The following CPXM2 variants were observed in gnomAD, a reference collection of about 807,000 sequenced individuals.
CPXM2 encodes inactive carboxypeptidase-like protein X2.
In CPXM2, 66 loss-of-function variants were observed where a neutral mutation model predicts 86.1. That is an observed-to-expected ratio of 0.77 (90% confidence interval 0.63 to 0.94). The LOEUF (loss-of-function observed/expected upper bound fraction) is 0.94. CPXM2 is among the 40% of genes least tolerant of loss of function. CPXM2 has a pLI of 0.00. For missense variants in CPXM2, 948 were observed against 1,026.3 expected, an observed-to-expected ratio of 0.92 and a Z score of 1.04; for synonymous variants, 388 against 400.2, an observed-to-expected ratio of 0.97 and a Z score of 0.36.
intron 3 of CPXM2, among the ~76,000 whole-genome samples, chr10:123,850,609 G>A (rs1321905648): frequency 6.6e-6 from 1 of 152,308 alleles, no homozygotes; most frequent in East Asian, 1.9e-4. Context: ...TTGTGTTGAA[G>A]TAATCTTTTA....
At chr10:123,855,539 G>T (rs1449824222) in intron 3 of CPXM2, among the ~76,000 whole-genome samples, 1 of 152,132 alleles carries the variant, frequency 6.6e-6, no homozygotes, top group Non-Finnish European at 1.5e-5. Flanking sequence ...AATGTGGGTG[G>T]CCTCCACCTT....
chr10:123,880,126 C>G, intron 2 of CPXM2, 85 bp downstream of exon 2: 1 of 692,038 alleles, frequency 1.4e-6, no homozygotes, highest in South Asian at 1.8e-5. Context: ...TGTAGTCAGG[C>G]TGCTGCACCA....
chr10:123,901,971 T>C (rs1945386712), intron 2 of CPXM2, among the ~76,000 whole-genome samples: 3 of 152,224 alleles, frequency 2.0e-5, no homozygotes, highest in Admixed American at 2.0e-4. Context: ...TGAAGTCTCT[T>C]TCCTCCGAAC....
At chr10:123,788,878 GA>G (rs11461379) in intron 6 of CPXM2, among the ~76,000 whole-genome samples, 17,621 of 138,724 alleles carry the variant, frequency 0.13, 1,290 homozygotes, top group Non-Finnish European at 0.17. Context: ...CACCTTGATT[GA>G]AAAAAAAAAA....
Position 123,746,607 on chromosome 10 carries a change from C to T in CPXM2, c.*157G>A. 5.7e-6 allele frequency: 4 copies of T among 695,684 alleles called. No homozygotes were observed. The highest frequency in any genetic ancestry group is 3.7e-5 in the South Asian group (2 of 53,604). 43.1% of individuals were successfully genotyped at this position (695,684 alleles called of 1,614,324 possible). A position where few individuals can be genotyped will look rare whatever the true frequency, so the allele number is the denominator to read the frequency against. On this transcript the variant is annotated 3_prime_UTR_variant, in exon 14 of 14. Transcript: ENST00000241305. ...AAGAAAAGAAAACAGCCTCAGCCTC[C>T]AGCCTTCCCTTTTGGGACCTGCCTC...
Position 123,931,241 on chromosome 10 carries a change from C to T in CPXM2, n.174+8236G>A, listed in dbSNP as rs189869890. Among the ~76,000 whole-genome samples the T allele has an allele frequency of 7.1e-4, 107 of 151,254 alleles. 1 individual carries two copies. The highest frequency in any genetic ancestry group is 2.5e-3 in the African/African-American group (103 of 40,782). On this transcript the variant is annotated intron_variant and non_coding_transcript_variant, in intron 2 of 19. Transcript: ENST00000368854. ...GAACATCAGATCTATGAGGCCGAAC[C>T]CCAGTAAAAAAAACCCTGGACACTG...
chr10:123,878,294 CTCTTTTTTTTTTTTTTT>C (rs1389591821), intron 2 of CPXM2, among the ~76,000 whole-genome samples: 1 of 76,134 alleles, frequency 1.3e-5, no homozygotes, highest in East Asian at 2.4e-4. Flanking sequence ...CTTTTTTTCT[CTCTTTTTTTTTTTTTTT>C]TTTTTTTTTT....
chr10:123,879,143 G>A (rs1257418701), intron 2 of CPXM2, among the ~76,000 whole-genome samples: 1 of 152,232 alleles, frequency 6.6e-6, no homozygotes, highest in African/African-American at 2.4e-5. Flanking sequence ...TTTCACTTGA[G>A]GATGCACTAT....
intron 6 of CPXM2, among the ~76,000 whole-genome samples, chr10:123,784,122 G>C (rs1043918040): frequency 6.6e-6 from 1 of 152,142 alleles, no homozygotes; most frequent in Non-Finnish European, 1.5e-5. Context: ...GAAGGCTTTT[G>C]AGTTCAAGTG....
intron 2 of CPXM2, among the ~76,000 whole-genome samples, chr10:123,898,210 A>G (rs1166530349): frequency 1.3e-5 from 2 of 152,208 alleles, no homozygotes; most frequent in Non-Finnish European, 2.9e-5. Context: ...AAAATATAAA[A>G]TGCTACAGCT....
rs893333792 is a variant in CPXM2, at chr10:123,885,343, G to A, written c.305-5034C>T. On this transcript the variant is annotated intron_variant, in intron 1 of 13. Transcript: ENST00000241305. The surrounding 1 kb of genome is among the most constrained non-coding windows in gnomAD (Gnocchi z 4.0). ...AATCGTACACCTCCTCCAAAAGCTC[G>A]GGTTATTAATTGTTCCCATGCCATC... 3.9e-5 allele frequency among the ~76,000 whole-genome samples: 6 copies of A among 152,116 alleles called. No individual in the cohort carries two copies. The highest frequency in any genetic ancestry group is 1.2e-4 in the African/African-American group (5 of 41,420).
chr10:123,887,982 C>A (rs1293221962), intron 1 of CPXM2, among the ~76,000 whole-genome samples: 12 of 152,162 alleles, frequency 7.9e-5, no homozygotes, highest in African/African-American at 2.7e-4. Context: ...ATGGAAAATG[C>A]AATACTCTCA....
chr10:123,867,780 G>A (rs1944820316), intron 2 of CPXM2, among the ~76,000 whole-genome samples: 2 of 152,070 alleles, frequency 1.3e-5, no homozygotes, highest in Non-Finnish European at 2.9e-5. Context: ...TGATCTGCCC[G>A]CCTTGGCCTC....
chr10:123,885,976 C>T lies in CPXM2; in HGVS notation c.304+5380G>A, dbSNP rs1483271142. Among the ~76,000 whole-genome samples, 1 of 152,200 alleles carries T rather than the reference C, an allele frequency of 6.6e-6. No individual in the cohort carries two copies. Among genetic ancestry groups the T allele is most frequent in the Non-Finnish European group, 1.5e-5 (1 of 68,040 alleles). On this transcript the variant is annotated intron_variant, in intron 1 of 13. Coordinates refer to ENST00000241305, the MANE Select transcript of CPXM2 (RefSeq NM_198148.3). The surrounding 1 kb of genome is among the most constrained non-coding windows in gnomAD (Gnocchi z 4.0). ...TCCTCCTTTATTATCCATGCGCGAG[C>T]CCTGGTTTCTGGAACCTTGGGCACA...
At chr10:123,884,324 G>A (rs137969652) in intron 1 of CPXM2, among the ~76,000 whole-genome samples, 209 of 152,308 alleles carry the variant, frequency 1.4e-3, no homozygotes, top group Middle Eastern at 3.4e-3. Context: ...TCTGCTGGGA[G>A]GATCTGCTGG....
intron 10 of CPXM2, 120 bp from the exon 11 acceptor site, chr10:123,762,289 G>A: frequency 7.1e-7 from 1 of 1,410,842 alleles, no homozygotes; most frequent in Non-Finnish European, 9.7e-7. Flanking sequence ...GTAAAGTTCA[G>A]AATTTCAAAA....
rs536207092 is a variant in CPXM2 at position 123,865,854 on chromosome 10, C to T, written c.404-3131G>A. ...CACCTCCATCTCTGCTTCTTCTCTC[C>T]CTTCCTTTCCTGGGATTTTTGCTCC... On this transcript the variant is annotated intron_variant, in intron 2 of 13. Coordinates refer to ENST00000241305, the MANE Select transcript of CPXM2 (RefSeq NM_198148.3). This position sits in a 1 kb window ranked among gnomAD's most constrained non-coding sequence, Gnocchi z 4.7. Among the ~76,000 whole-genome samples the T allele has an allele frequency of 3.8e-4, 58 of 152,222 alleles. No individual in the cohort carries two copies. Among genetic ancestry groups the T allele is most frequent in the African/African-American group, 1.3e-3 (56 of 41,526 alleles).
At chr10:123,818,302 C>T (rs1052100579) in intron 4 of CPXM2, among the ~76,000 whole-genome samples, 2 of 152,196 alleles carry the variant, frequency 1.3e-5, no homozygotes, top group Non-Finnish European at 1.5e-5. Context: ...CGCATGGGCT[C>T]AGCAACATGT....
intron 2 of CPXM2, among the ~76,000 whole-genome samples, chr10:123,901,768 C>T (rs1945383777): frequency 6.6e-6 from 1 of 152,162 alleles, no homozygotes; most frequent in Non-Finnish European, 1.5e-5. Flanking sequence ...TTTCACAGAG[C>T]ACCTGAACCA....
Sources: gnomAD v4.1 joint callset for allele counts (sites outside exome capture counted in the v4.1 genomes callset) on GRCh38, gnomAD v4.1.1 for gene constraint, Gnocchi (gnomAD v3.1) non-coding constraint, MANE v1.5 for transcripts, NCBI Gene and HGNC (gene_info 2026-07-23, HGNC 2026-07-21) for gene names.